KAZN: variants seen among roughly 807,000 people sequenced by gnomAD.
KAZN encodes kazrin.
A neutral mutation model predicts 87.4 loss-of-function variants in KAZN; 40 were observed. That is an observed-to-expected ratio of 0.46 (90% confidence interval 0.36 to 0.60). The LOEUF (loss-of-function observed/expected upper bound fraction) is 0.60, where lower values mean the gene tolerates loss of function less well. KAZN is among the 20% of genes least tolerant of loss of function. KAZN has a pLI of 0.00. For synonymous variants in KAZN, 466 were observed against 458.3 expected (o/e 1.02, Z -0.22); for missense variants, 898 against 1,073.9 (o/e 0.84, Z 2.29).
Position 14,769,376 on chromosome 1 carries a change from C to T in KAZN, c.226+170153C>T, listed in dbSNP as rs1022990494. Among the ~76,000 whole-genome samples the T allele has an allele frequency of 3.9e-4, 59 of 152,236 alleles. No individual in the cohort carries two copies. Among genetic ancestry groups the T allele is most frequent in the African/African-American group, 1.0e-3 (43 of 41,554 alleles). On this transcript the variant is annotated intron_variant, in intron 1 of 14. Coordinates refer to ENST00000376030, the MANE Select transcript of KAZN (RefSeq NM_201628.3). This position sits in a 1 kb window ranked among gnomAD's most constrained non-coding sequence, Gnocchi z 4.1. ...GCAGGTCTTTTTTCTTTTCTTGAGA[C>T]GGAGTCGTGCTCTCGTTGCCCAGGC...
At chr1:14,917,506 T>G (rs974935878) in intron 1 of KAZN, among the ~76,000 whole-genome samples, 10 of 152,194 alleles carry the variant, frequency 6.6e-5, no homozygotes, top group African/African-American at 2.4e-4. Context: ...TCTGGGAATG[T>G]TTCACTAGCC....
chr1:14,380,509 A>G (rs1006828058), intron 2 of KAZN, among the ~76,000 whole-genome samples: 1 of 152,228 alleles, frequency 6.6e-6, no homozygotes, highest in Non-Finnish European at 1.5e-5. Flanking sequence ...TAAATTTAAC[A>G]AAGAGGTTGA....
intron 1 of KAZN, among the ~76,000 whole-genome samples, chr1:13,925,573 G>GA (rs1315598871): frequency 6.6e-6 from 1 of 152,180 alleles, no homozygotes; most frequent in African/African-American, 2.4e-5. Context: ...TGAATGAGGA[G>GA]AAAATAGCAG....
intron 1 of KAZN, among the ~76,000 whole-genome samples, chr1:14,765,912 G>A (rs959418387): frequency 3.9e-5 from 6 of 152,190 alleles, no homozygotes; most frequent in East Asian, 1.9e-4. Context: ...CCAGAAGCCC[G>A]TCTGTGCTGA....
chr1:14,007,097 T>C (rs1031514654), intron 1 of KAZN, among the ~76,000 whole-genome samples: 1 of 152,228 alleles, frequency 6.6e-6, no homozygotes, highest in South Asian at 2.1e-4. Flanking sequence ...GATGCTATCA[T>C]GAATGGTATT....
intron 2 of KAZN, among the ~76,000 whole-genome samples, chr1:14,254,319 C>T (rs530278532): frequency 1.6e-4 from 25 of 152,220 alleles, no homozygotes; most frequent in South Asian, 4.1e-4. Context: ...AAGTTTGCAC[C>T]GACATCTGCA....
intron 4 of KAZN, among the ~76,000 whole-genome samples, chr1:15,047,847 G>T (rs1673749220): frequency 6.6e-6 from 1 of 152,182 alleles, no homozygotes; most frequent in Non-Finnish European, 1.5e-5. Context: ...AGCCCCTGCA[G>T]CTGGGGGACG....
At chr1:14,374,773 TC>T (rs1660768286) in intron 2 of KAZN, among the ~76,000 whole-genome samples, 1 of 152,124 alleles carries the variant, frequency 6.6e-6, no homozygotes, top group Admixed American at 6.5e-5. Flanking sequence ...CATATACAAA[TC>T]ATCACGCTCC....
At chr1:14,283,015 G>T (rs1652968101) in intron 2 of KAZN, among the ~76,000 whole-genome samples, 1 of 152,118 alleles carries the variant, frequency 6.6e-6, no homozygotes, top group African/African-American at 2.4e-5. Context: ...ATTCTCCAGG[G>T]TGACTAACAG....
intron 2 of KAZN, among the ~76,000 whole-genome samples, chr1:14,344,819 A>G (rs2486320): frequency 0.055 from 8,418 of 152,176 alleles, 297 homozygotes; most frequent in South Asian, 0.087. Context: ...CTACTAGGTT[A>G]AGGCAAAAAG....
intron 2 of KAZN, among the ~76,000 whole-genome samples, chr1:14,523,181 C>A (rs1390046477): frequency 6.6e-6 from 1 of 152,234 alleles, no homozygotes; most frequent in East Asian, 1.9e-4. Context: ...TCCTCACCAA[C>A]CCCCTGAGCC....
chr1:14,617,843 T>G (rs972218811), intron 1 of KAZN, among the ~76,000 whole-genome samples: 4 of 152,224 alleles, frequency 2.6e-5, no homozygotes, highest in African/African-American at 4.8e-5. Flanking sequence ...GAAGCCTTAA[T>G]GTCCTCATTT....
chr1:14,286,023 CA>C (rs1478440957), intron 2 of KAZN, among the ~76,000 whole-genome samples: 1 of 152,170 alleles, frequency 6.6e-6, no homozygotes, highest in Non-Finnish European at 1.5e-5. Flanking sequence ...TTACGCTGCT[CA>C]ATGCTCTAGT....
intron 2 of KAZN, among the ~76,000 whole-genome samples, chr1:14,514,613 A>ATTTTC (rs1557770534): frequency 3.3e-4 from 15 of 46,146 alleles, no homozygotes; most frequent in Non-Finnish European, 5.1e-4. Context: ...ATATATATAT[A>ATTTTC]TATATATATA....
chr1:14,934,809 G>GC (rs746121941), intron 1 of KAZN, among the ~76,000 whole-genome samples: 14 of 152,132 alleles, frequency 9.2e-5, no homozygotes, highest in Non-Finnish European at 1.8e-4. Flanking sequence ...GCCTCCAGTC[G>GC]CCCCCTCCAT....
At position 14,630,442 on chromosome 1, in the gene KAZN, TTTGG is replaced by T. The variant is rs1465731568; in HGVS notation, c.226+31220_226+31223del. Reference sequence around the variant, plus strand: ...TGGCTCATGCCTGTAATCCCAGGAATTTGGGAGGCCAAAACGGGAGGATCACTTG... The same window carrying T: ...TGGCTCATGCCTGTAATCCCAGGAATGAGGCCAAAACGGGAGGATCACTTG... On this transcript the variant is annotated intron_variant, in intron 1 of 14. Coordinates refer to ENST00000376030, the MANE Select transcript of KAZN (RefSeq NM_201628.3). Among the ~76,000 whole-genome samples the T allele has an allele frequency of 3.9e-5, 6 of 152,276 alleles. No homozygotes were observed. In the East Asian group the frequency reaches 1.2e-3, roughly 29 times the overall value.
At position 14,741,951 on chromosome 1, in the gene KAZN, T is replaced by G. The variant is rs187541331; in HGVS notation, c.226+142728T>G. On this transcript the variant is annotated intron_variant, in intron 1 of 14. Transcript: ENST00000376030. ...CTTCTCTCTTGTGGTTGTTTTTTTT[T>G]GGGTTGTTTTTTGTTTTGTTTAGGA... Among the ~76,000 whole-genome samples the G allele has an allele frequency of 4.5e-3, 683 of 152,206 alleles. 5 individuals are homozygous for G. The highest frequency in any genetic ancestry group is 0.015 in the African/African-American group (622 of 41,478).
rs551363553 is a variant in KAZN at position 14,004,094 on chromosome 1, T to C, written c.91+110338T>C. ...AGCATTCACCTCCCAAAAGAGGATA[T>C]CTAAACTGCCCAAAAAAAAAGCAAA... On this transcript the variant is annotated intron_variant, in intron 1 of 16. Transcript: ENST00000636203. Among the ~76,000 whole-genome samples the C allele has an allele frequency of 2.7e-4, 34 of 127,196 alleles. 1 individual carries two copies. The South Asian group carries it at 8.1e-3, about 30-fold the overall frequency. 83.4% of individuals were successfully genotyped at this position (127,196 alleles called of 152,430 possible).
At chr1:14,744,821 C>A (rs1355811507) in intron 1 of KAZN, among the ~76,000 whole-genome samples, 6 of 152,178 alleles carry the variant, frequency 3.9e-5, no homozygotes, top group Non-Finnish European at 1.5e-5. Flanking sequence ...TCACAGGGAC[C>A]AAACTCAAGC....
Sources: gnomAD v4.1 joint callset for allele counts (sites outside exome capture counted in the v4.1 genomes callset) on GRCh38, gnomAD v4.1.1 for gene constraint, Gnocchi (gnomAD v3.1) non-coding constraint, MANE v1.5 for transcripts, NCBI Gene and HGNC (gene_info 2026-07-23, HGNC 2026-07-21) for gene names.